CLSTN2: variants seen among roughly 807,000 people sequenced by gnomAD.
The protein encoded by CLSTN2 is calsyntenin 2, also known as calsyntenin-2.
Under a neutral mutation model 101.2 loss-of-function variants are expected in CLSTN2, and 48 were observed. That is an observed-to-expected ratio of 0.47 (90% CI 0.38 to 0.60). CLSTN2 has a LOEUF of 0.60. CLSTN2 is among the 20% of genes least tolerant of loss of function. The pLI is 0.00. For missense variants in CLSTN2, 1,160 were observed against 1,238.2 expected (o/e 0.94, Z 0.95); for synonymous variants, 481 against 463.6 (o/e 1.04, Z -0.48).
intron 1 of CLSTN2, among the ~76,000 whole-genome samples, chr3:140,084,995 T>C (rs917531185): frequency 3.3e-5 from 5 of 152,242 alleles, no homozygotes; most frequent in African/African-American, 1.2e-4. Context: ...TGAGTTTGTT[T>C]CTAGTGTGTG....
At chr3:140,477,223 C>T (rs886583352) in intron 8 of CLSTN2, among the ~76,000 whole-genome samples, 1 of 152,210 alleles carries the variant, frequency 6.6e-6, no homozygotes, top group African/African-American at 2.4e-5. Flanking sequence ...ACTTACTACT[C>T]ATTAGTTTAG....
chr3:140,376,125 C>A (rs1468283293), intron 2 of CLSTN2, among the ~76,000 whole-genome samples: 1 of 152,170 alleles, frequency 6.6e-6, no homozygotes, highest in Non-Finnish European at 1.5e-5. Flanking sequence ...TCTGCTTTTC[C>A]AAGCCAACCT....
At chr3:140,535,286 G>A (rs1020100126) in intron 9 of CLSTN2, among the ~76,000 whole-genome samples, 31 of 152,178 alleles carry the variant, frequency 2.0e-4, no homozygotes, top group African/African-American at 7.2e-4. Context: ...CCTCCCTTAG[G>A]GTGGGAAATA....
intron 1 of CLSTN2, among the ~76,000 whole-genome samples, chr3:140,109,524 G>T (rs2009118050): frequency 6.6e-6 from 1 of 152,180 alleles, no homozygotes; most frequent in African/African-American, 2.4e-5. Context: ...GCCAGGAATG[G>T]ATACAGTGGG....
chr3:139,935,433 G>A lies in CLSTN2; in HGVS notation c.59G>A (p.Gly20Asp), dbSNP rs552647225. 2 of 1,231,336 alleles carry A rather than the reference G, an allele frequency of 1.6e-6. No individual in the cohort carries two copies. Among genetic ancestry groups the A allele is most frequent in the South Asian group, 4.1e-5 (1 of 24,332 alleles). 76.3% of individuals were successfully genotyped at this position (1,231,336 alleles called of 1,614,324 possible). ...CTGCTGGCGCTGGGCGTGGGGAGCG[G>A]CAGCGGCGGTGGCGGGGACAGCCGG... ...PLLLALGVGS[G>D]SGGGGDSRQR... Residue 20 changes from glycine (G) to aspartate (D), a missense_variant, in exon 1 of 17, where the codon GGC (glycine) becomes GAC (aspartate). By Grantham distance (94) the Gly-to-Asp change is moderately conservative. Coordinates refer to ENST00000458420, the MANE Select transcript of CLSTN2 (RefSeq NM_022131.3). The surrounding 1 kb of genome is among the most constrained non-coding windows in gnomAD (Gnocchi z 5.5).
At chr3:140,484,994 T>A (rs1207637867) in intron 8 of CLSTN2, among the ~76,000 whole-genome samples, 2 of 152,226 alleles carry the variant, frequency 1.3e-5, no homozygotes, top group African/African-American at 4.8e-5. Context: ...TTTGTTCCAT[T>A]GCTGGTGAGG....
chr3:140,063,730 T>G (rs2008251154), intron 1 of CLSTN2, among the ~76,000 whole-genome samples: 1 of 152,194 alleles, frequency 6.6e-6, no homozygotes, highest in Admixed American at 6.5e-5. Context: ...TCCTTCAGTA[T>G]CTTGTCACCC....
chr3:140,355,554 A>C (rs2087661356), intron 2 of CLSTN2, among the ~76,000 whole-genome samples: 1 of 152,214 alleles, frequency 6.6e-6, no homozygotes, highest in Non-Finnish European at 1.5e-5. Context: ...ATTTGCTGCT[A>C]AATTTCAGGG....
intron 1 of CLSTN2, among the ~76,000 whole-genome samples, chr3:140,170,094 G>C (rs2010189360): frequency 6.6e-6 from 1 of 152,168 alleles, no homozygotes; most frequent in Non-Finnish European, 1.5e-5. Context: ...AAGGGAGGCT[G>C]CTTCCAAATG....
At chr3:140,038,843 G>A (rs11717101) in intron 1 of CLSTN2, among the ~76,000 whole-genome samples, 391 of 152,178 alleles carry the variant, frequency 2.6e-3, no homozygotes, top group African/African-American at 8.9e-3. Context: ...CAATGTATTA[G>A]GTCAAACTAT....
chr3:140,445,740 A>G (rs1340078523), intron 5 of CLSTN2, among the ~76,000 whole-genome samples: 1 of 152,144 alleles, frequency 6.6e-6, no homozygotes, highest in East Asian at 1.9e-4. Context: ...CAAGGCAGCA[A>G]TCAAGGTTAG....
chr3:140,394,097 T>A (rs1576546524), intron 2 of CLSTN2, among the ~76,000 whole-genome samples: 1 of 152,198 alleles, frequency 6.6e-6, no homozygotes, highest in African/African-American at 2.4e-5. Context: ...TGTGCTGGCT[T>A]GCTCATAAAA....
intron 2 of CLSTN2, among the ~76,000 whole-genome samples, chr3:140,246,501 A>G (rs2086518899): frequency 6.6e-6 from 1 of 152,144 alleles, no homozygotes; most frequent in Admixed American, 6.5e-5. Flanking sequence ...TACACACTTG[A>G]TCAGTTATTT....
intron 2 of CLSTN2, among the ~76,000 whole-genome samples, chr3:140,274,794 T>A (rs967397314): frequency 1.3e-5 from 2 of 151,934 alleles, no homozygotes; most frequent in Non-Finnish European, 2.9e-5. Flanking sequence ...GAGAGAAAAA[T>A]AACAGGCACA....
chr3:140,486,717 T>C (rs1054125420), intron 8 of CLSTN2, among the ~76,000 whole-genome samples: 2 of 151,848 alleles, frequency 1.3e-5, no homozygotes, highest in African/African-American at 4.8e-5. Flanking sequence ...GGGCCACAGG[T>C]AGGAAAGGAG....
At chr3:140,141,752 T>C (rs1326648664) in intron 1 of CLSTN2, among the ~76,000 whole-genome samples, 1 of 152,184 alleles carries the variant, frequency 6.6e-6, no homozygotes, top group Non-Finnish European at 1.5e-5. Flanking sequence ...AGCATAACTC[T>C]GTGCATAGTG....
chr3:140,048,016 G>A lies in CLSTN2; in HGVS notation c.109+112533G>A, dbSNP rs534687635. On this transcript the variant is annotated intron_variant, in intron 1 of 16. Coordinates refer to ENST00000458420, the MANE Select transcript of CLSTN2 (RefSeq NM_022131.3). ...AGGAAATAAATGCATGGCTATTAAAGTTAAAATATGAAATATTAAAAAATG... is the reference window on the plus strand; with the variant it reads ...AGGAAATAAATGCATGGCTATTAAAATTAAAATATGAAATATTAAAAAATG... Among the ~76,000 whole-genome samples the A allele has an allele frequency of 2.0e-5, 3 of 152,228 alleles. No individual in the cohort carries two copies. In the East Asian group the frequency reaches 5.8e-4, roughly 29 times the overall value.
chr3:140,117,015 C>T (rs539542920), intron 1 of CLSTN2, among the ~76,000 whole-genome samples: 1 of 152,288 alleles, frequency 6.6e-6, no homozygotes, highest in South Asian at 2.1e-4. Flanking sequence ...CCCCCTTTCC[C>T]CTGCTCTGCT....
At chr3:140,397,244 A>G (rs777040429) in intron 2 of CLSTN2, among the ~76,000 whole-genome samples, 3 of 152,144 alleles carry the variant, frequency 2.0e-5, no homozygotes, top group Non-Finnish European at 4.4e-5. Context: ...ACCTGTTGTG[A>G]TATGTTATTT....
Sources: allele counts gnomAD v4.1 joint callset (sites outside exome capture counted in the v4.1 genomes callset), GRCh38; gene constraint gnomAD v4.1.1; non-coding constraint Gnocchi (gnomAD v3.1); transcripts MANE v1.5; gene names NCBI Gene and HGNC (gene_info 2026-07-23, HGNC 2026-07-21).